The following CCDC82 variants were observed in gnomAD, a reference collection of about 807,000 sequenced individuals.
CCDC82 encodes the protein coiled-coil domain containing 82.
CCDC82 carries 47 observed loss-of-function variants against 60.6 expected under a neutral mutation model. The observed-to-expected ratio is 0.77, with a 90% CI of 0.61 to 0.99. The LOEUF (loss-of-function observed/expected upper bound fraction) is 0.99, where lower values mean the gene tolerates loss of function less well. Ranked by LOEUF, CCDC82 falls within the 50% of genes least tolerant of loss-of-function variation. The pLI is 0.00. For synonymous variants in CCDC82, 212 were observed against 207.4 expected (o/e 1.02, Z -0.19); for missense variants, 588 against 633.0 (o/e 0.93, Z 0.76).
intron 8 of CCDC82, 68 bp from the exon 9 acceptor site, chr11:96,359,246 TTAG>T (rs1329315282): frequency 1.6e-5 from 20 of 1,281,200 alleles, no homozygotes; most frequent in Non-Finnish European, 2.0e-5. Flanking sequence ...TGGATTTTCT[TTAG>T]TAGTAGAATC....
chr11:96,389,501 A>C lies in CCDC82; in HGVS notation c.-139+343T>G, dbSNP rs566597245. 3 of 152,564 alleles carry C rather than the reference A, an allele frequency of 2.0e-5. No individual in the cohort carries two copies. In the South Asian group the frequency reaches 6.2e-4, roughly 32 times the overall value. The allele number at this position is 152,564 out of a possible 1,614,324, so 9.5% of individuals were successfully genotyped here. A position where few individuals can be genotyped will look rare whatever the true frequency, so the allele number is the denominator to read the frequency against. ...GCGATGACGCGCGCAGGACGACGGAAACCCCCAGACCCCAAAAGAGCTCTG... is the reference window on the plus strand; with the variant it reads ...GCGATGACGCGCGCAGGACGACGGACACCCCCAGACCCCAAAAGAGCTCTG... On this transcript the variant is annotated intron_variant, in intron 1 of 9. Coordinates refer to ENST00000646818, the MANE Select transcript of CCDC82 (RefSeq NM_024725.4).
In CCDC82 at chr11:96,365,055, A is replaced by T; in HGVS notation, c.1305T>A (p.Tyr435Ter). The change falls in exon 8 of 10, where the codon TAT becomes TAA. Residue 435 changes from tyrosine to a stop codon, truncating the protein, a stop_gained. Coordinates refer to ENST00000646818, the MANE Select transcript of CCDC82 (RefSeq NM_024725.4). LOFTEE classifies it high-confidence loss of function. The part of the protein sequence containing the change: ...QACGLHRYCK[Y>*]SVHLSGELYN... ...ACAACTCTCCTGATAAATGCACTGA[A>T]TATTTACAGTAGCGATGCAGTCCAC... 3.7e-6 allele frequency: 6 copies of T among 1,610,576 alleles called. No individual in the cohort carries two copies. The highest frequency in any genetic ancestry group is 5.1e-6 in the Non-Finnish European group (6 of 1,178,250).
chr11:96,369,869 T>C (rs1413879484), intron 7 of CCDC82, among the ~76,000 whole-genome samples: 1 of 152,224 alleles, frequency 6.6e-6, no homozygotes, highest in Non-Finnish European at 1.5e-5. Flanking sequence ...TTATATATGC[T>C]ATTTTTCTAT....
At chr11:96,372,713 T>C (rs1018420584) in intron 6 of CCDC82, among the ~76,000 whole-genome samples, 19 of 144,480 alleles carry the variant, frequency 1.3e-4, no homozygotes, top group African/African-American at 4.3e-4. Context: ...TATATATACA[T>C]ATATATTTAT....
intron 7 of CCDC82, among the ~76,000 whole-genome samples, chr11:96,370,204 G>A (rs1865187458): frequency 6.6e-6 from 1 of 152,098 alleles, no homozygotes; most frequent in African/African-American, 2.4e-5. Context: ...TGAGGTACAA[G>A]AACTAATGAT....
intron 9 of CCDC82, chr11:96,354,225 A>G (rs1864234611): frequency 6.6e-6 from 1 of 152,340 alleles, no homozygotes; most frequent in South Asian, 2.1e-4. Context: ...GGTAAGCAGT[A>G]AAGAGTGGCA....
intron 3 of CCDC82, chr11:96,385,176 A>G (rs1866122965): frequency 6.4e-6 from 1 of 156,298 alleles, no homozygotes; most frequent in South Asian, 2.0e-4. Flanking sequence ...CAAGTGCTTC[A>G]CTTTATCTTG....
chr11:96,381,816 A>G (rs1865890769), intron 5 of CCDC82: 2 of 151,790 alleles, frequency 1.3e-5, no homozygotes, highest in Non-Finnish European at 3.0e-5. Flanking sequence ...AAGTAATAAC[A>G]ATATTATTTA....
At chr11:96,371,206 A>T in intron 6 of CCDC82, 69 bp from the exon 7 acceptor site, 1 of 1,078,400 alleles carries the variant, frequency 9.3e-7, no homozygotes, top group Non-Finnish European at 1.2e-6. Context: ...TTTAATACTT[A>T]AAAATTTCTT....
At position 96,365,029 on chromosome 11, in the gene CCDC82, T is replaced by TACA; in HGVS notation, c.1328_1330dup (p.Leu443dup). The TACA allele has an allele frequency of 3.1e-6, 5 of 1,610,898 alleles. No homozygotes were observed. Among genetic ancestry groups the TACA allele is most frequent in the Non-Finnish European group, 4.2e-6 (5 of 1,178,650 alleles). On this transcript the variant is annotated inframe_insertion, in exon 8 of 10. Coordinates refer to ENST00000646818, the MANE Select transcript of CCDC82 (RefSeq NM_024725.4). ...ATCTATTTGCATGGTCCTGGTGTTA[T>TACA]ACAACTCTCCTGATAAATGCACTGA... is the stretch of plus-strand genomic sequence containing the variant.
chr11:96,383,926 G>A, intron 4 of CCDC82, 36 bp downstream of exon 4: 3 of 1,542,430 alleles, frequency 1.9e-6, no homozygotes, highest in Non-Finnish European at 2.6e-6. Flanking sequence ...GAAAAAAACT[G>A]AAAAACAATA....
chr11:96,371,151 A>G lies in CCDC82; in HGVS notation c.1085-14T>C, dbSNP rs370200540. 4 of 1,483,588 alleles carry G rather than the reference A, an allele frequency of 2.7e-6. No homozygotes were observed. The African/African-American group carries it at 5.7e-5, about 21-fold the overall frequency. 91.9% of individuals were successfully genotyped at this position (1,483,588 alleles called of 1,614,324 possible). A position where few individuals can be genotyped will look rare whatever the true frequency, so the allele number is the denominator to read the frequency against. On this transcript the variant is annotated splice_polypyrimidine_tract_variant and intron_variant, in intron 6 of 9. Transcript: ENST00000646818. Reference sequence around the variant, plus strand: ...GCCTTGTGCCATCTGTTCAGGGGATAAACAACAAAAAAAATCATTTTGTTA... The same window carrying G: ...GCCTTGTGCCATCTGTTCAGGGGATGAACAACAAAAAAAATCATTTTGTTA...
chr11:96,372,539 T>TAA (rs1174859933), intron 6 of CCDC82, among the ~76,000 whole-genome samples: 1 of 150,798 alleles, frequency 6.6e-6, no homozygotes, highest in Non-Finnish European at 1.5e-5. Flanking sequence ...AAATGAAATC[T>TAA]TATTTGGCAA....
rs985231748 is a variant in CCDC82, at chr11:96,384,565, A to G, written c.183T>C (p.Phe61=). Reference sequence around the variant, plus strand: ...TACTATCAAGCTCTTCATCATTTTCAAAACTTTCATCACTATCAAGCTCTT... The same window carrying G: ...TACTATCAAGCTCTTCATCATTTTCGAAACTTTCATCACTATCAAGCTCTT... The part of the protein sequence containing the change: ...SDEELDSDES[F]ENDEELDSNK... The change falls in exon 4 of 10, where the codon TTT becomes TTC. Residue 61 remains phenylalanine (F), a synonymous_variant. Coordinates refer to ENST00000646818, the MANE Select transcript of CCDC82 (RefSeq NM_024725.4). 3.1e-6 allele frequency: 5 copies of G among 1,613,584 alleles called. No individual in the cohort carries two copies. In the African/African-American group the frequency reaches 6.7e-5, roughly 22 times the overall value.
rs200714883 is a variant in CCDC82 at position 96,383,519 on chromosome 11, C to T, written c.787-46G>A. ...GCTTCAGTAAATGGTGCTATTAAAA[C>T]GGTAAGCATCGATATAAAATTAAAA... On this transcript the variant is annotated intron_variant, in intron 4 of 9. Transcript: ENST00000646818. 3.9e-4 allele frequency: 462 copies of T among 1,187,340 alleles called. 6 individuals carry two copies. The East Asian group carries it at 0.01, about 26-fold the overall frequency. 73.6% of individuals were successfully genotyped at this position (1,187,340 alleles called of 1,614,324 possible). A position where few individuals can be genotyped will look rare whatever the true frequency, so the allele number is the denominator to read the frequency against.
chr11:96,358,420 G>A, intron 9 of CCDC82: 1 of 1,227,946 alleles, frequency 8.1e-7, no homozygotes, highest in South Asian at 4.3e-5. Context: ...ATCAAATTTA[G>A]TGATCAATAG....
At chr11:96,364,905 C>T in intron 8 of CCDC82, 75 bp downstream of exon 8, 2 of 1,379,612 alleles carry the variant, frequency 1.4e-6, no homozygotes, top group Non-Finnish European at 2.0e-6. Flanking sequence ...TCAAATTTTC[C>T]TTAGGATACT....
At position 96,386,278 on chromosome 11, in the gene CCDC82, G is replaced by A. The variant is rs1430739853; in HGVS notation, c.-39C>T. On this transcript the variant is annotated 5_prime_UTR_variant, in exon 3 of 10. Coordinates refer to ENST00000646818, the MANE Select transcript of CCDC82 (RefSeq NM_024725.4). The stretch of plus-strand genomic sequence containing the variant: ...CCGGACTATGTTTCCAGCTTTCCAA[G>A]AGGATTACTTTTTTCCTATAGATTG... 6.6e-6 allele frequency: 1 copy of A among 152,476 alleles called. No homozygotes were observed. The highest frequency in any genetic ancestry group is 1.5e-5 in the Non-Finnish European group (1 of 68,028). 9.4% of individuals were successfully genotyped at this position (152,476 alleles called of 1,614,324 possible).
In CCDC82 at chr11:96,378,487, T is replaced by C. The variant is rs371861471; in HGVS notation, c.991+4782A>G. ...AATATTTAACATAAATGGTTCTGAG[T>C]CCATTCTTAGGCCCACTCTTTATTG... On this transcript the variant is annotated intron_variant, in intron 5 of 9. Coordinates refer to ENST00000646818, the MANE Select transcript of CCDC82 (RefSeq NM_024725.4). Among the ~76,000 whole-genome samples the C allele has an allele frequency of 3.9e-5, 6 of 151,992 alleles. No homozygotes were observed. The East Asian group carries it at 7.7e-4, about 19-fold the overall frequency.
Sources: allele counts gnomAD v4.1 joint callset (sites outside exome capture counted in the v4.1 genomes callset), GRCh38; gene constraint gnomAD v4.1.1; transcripts MANE v1.5; gene names NCBI Gene and HGNC (gene_info 2026-07-23, HGNC 2026-07-21).